The following CT45A1 variants were observed in gnomAD, a reference collection of about 807,000 sequenced individuals.
CT45A1 encodes the protein cancer/testis antigen 45-1.
At chrX:135,718,541 T>G (rs781816215) in intron 1 of CT45A1, among the ~76,000 whole-genome samples, 11 of 110,605 alleles carry the variant, frequency 9.9e-5, no homozygotes, top group African/African-American at 2.3e-4. Context: ...TAATGTATAA[T>G]ATATAGTTTA....
intron 1 of CT45A1, among the ~76,000 whole-genome samples, chrX:135,715,582 TTATAGGTATATAA>T (rs2087980156): frequency 5.5e-4 from 50 of 90,371 alleles, no homozygotes; most frequent in East Asian, 9.9e-4. Context: ...TATATAATAC[TTATAGGTATATAA>T]TACTTATATA....
upstream of CT45A1, among the ~76,000 whole-genome samples, chrX:135,712,189 T>TTC (rs1327449410): frequency 7.1e-5 from 6 of 84,270 alleles, no homozygotes; most frequent in Non-Finnish European, 1.4e-4. Flanking sequence ...CTTTTTTTTT[T>TTC]TTTTTTTTTT....
At chrX:135,715,212 A>ATAT (rs781850453) in intron 1 of CT45A1, among the ~76,000 whole-genome samples, 32 of 88,910 alleles carry the variant, frequency 3.6e-4, no homozygotes, top group Admixed American at 4.4e-4. Context: ...ATATATATAT[A>ATAT]ATACTTATAT....
At chrX:135,713,003 C>CTCTT (rs2087946989), upstream of CT45A1, among the ~76,000 whole-genome samples, 3 of 17,240 alleles carry the variant, frequency 1.7e-4, 1 homozygote, top group East Asian at 5.6e-3. Flanking sequence ...CTTCCTCTCT[C>CTCTT]TCTCTCTCTC....
At chrX:135,711,896 T>C (rs148390984), upstream of CT45A1, among the ~76,000 whole-genome samples, 21,403 of 109,676 alleles carry the variant, frequency 0.2, 1,683 homozygotes, top group Non-Finnish European at 0.24. Context: ...GCCTGGCCGA[T>C]GTGGTGAAAC....
chrX:135,714,804 A>T (rs782616856), intron 1 of CT45A1, among the ~76,000 whole-genome samples: 1 of 105,008 alleles, frequency 9.5e-6, no homozygotes, highest in East Asian at 2.9e-4. Flanking sequence ...CCCAGACTGG[A>T]TTGCAGTGCC....
At chrX:135,718,019 A>G (rs1171887998) in intron 1 of CT45A1, among the ~76,000 whole-genome samples, 2 of 112,144 alleles carry the variant, frequency 1.8e-5, no homozygotes, top group Non-Finnish European at 1.9e-5. Context: ...ATACGTCACT[A>G]TGAAGTATGG....
upstream of CT45A1, among the ~76,000 whole-genome samples, chrX:135,708,804 T>C (rs1373896478): frequency 1.8e-5 from 2 of 111,276 alleles, no homozygotes; most frequent in Non-Finnish European, 3.8e-5. Context: ...TGTGTGGGAA[T>C]TATTTCTCAC....
intron 1 of CT45A1, among the ~76,000 whole-genome samples, chrX:135,715,682 GTATATAATACTTATA>G (rs1278683256): frequency 5.1e-4 from 49 of 96,598 alleles, no homozygotes; most frequent in African/African-American, 1.6e-3. Flanking sequence ...ATACTTATAT[GTATATAATACTTATA>G]TATATAATAC....
At position 135,717,921 on chromosome X, in the gene CT45A1, G is replaced by A. The variant is rs782716800; in HGVS notation, c.-6-1014G>A. On this transcript the variant is annotated intron_variant, in intron 1 of 4. Transcript: ENST00000594565. ...TTTAAACCTATTGTATTTTCCTGAT[G>A]CTACAGCACTTTTTAGAACCTCCAA... Among the ~76,000 whole-genome samples the A allele has an allele frequency of 2.9e-4, 33 of 111,871 alleles. 1 individual carries two copies. The highest frequency in any genetic ancestry group is 9.2e-3 in the Middle Eastern group (2 of 218).
chrX:135,711,441 T>A (rs1556569519), upstream of CT45A1, among the ~76,000 whole-genome samples: 1 of 110,409 alleles, frequency 9.1e-6, no homozygotes, highest in East Asian at 2.8e-4. Flanking sequence ...TTAATTTTAA[T>A]TTATTTATTT....
rs150734870 is a variant in CT45A1, at chrX:135,716,896, A to T, written c.-6-2039A>T. On this transcript the variant is annotated intron_variant, in intron 1 of 4. Transcript: ENST00000594565. ...AGCACTGTCTTTTCCACAATGATTT[A>T]CAACTCTTCTGTATTTTGTATTTCC... 7.7e-3 allele frequency among the ~76,000 whole-genome samples: 856 copies of T among 111,771 alleles called. 13 individuals carry two copies. Among genetic ancestry groups the T allele is most frequent in the African/African-American group, 0.026 (793 of 30,766 alleles).
chrX:135,716,129 C>T (rs1464278817), intron 1 of CT45A1, among the ~76,000 whole-genome samples: 21 of 110,962 alleles, frequency 1.9e-4, no homozygotes, highest in African/African-American at 6.5e-4. Flanking sequence ...TGAATAGTGC[C>T]GTGATAAACA....
chrX:135,715,028 A>T (rs1195872198), intron 1 of CT45A1, among the ~76,000 whole-genome samples: 12 of 106,801 alleles, frequency 1.1e-4, no homozygotes, highest in African/African-American at 4.1e-4. Flanking sequence ...TACATATATA[A>T]AAATACGTAT....
At chrX:135,712,179 CT>C (rs782572662), upstream of CT45A1, among the ~76,000 whole-genome samples, 8 of 48,421 alleles carry the variant, frequency 1.7e-4, no homozygotes, top group African/African-American at 3.5e-4. Context: ...TTTTTTCTTT[CT>C]TTTTTTTTTT....
At chrX:135,714,080 T>A (rs1556570482) in intron 1 of CT45A1, among the ~76,000 whole-genome samples, 3 of 108,322 alleles carry the variant, frequency 2.8e-5, no homozygotes, top group African/African-American at 1.0e-4. Context: ...GAGCGGGGGC[T>A]CTGCCTTGGG....
chrX:135,712,020 G>A (rs2087936220), upstream of CT45A1, among the ~76,000 whole-genome samples: 1 of 109,338 alleles, frequency 9.1e-6, no homozygotes, highest in African/African-American at 3.3e-5. Flanking sequence ...GGCGGAGGTT[G>A]CAGTGAGCCG....
chrX:135,712,937 T>TCTTTCTTTCTTTC (rs782502268), upstream of CT45A1, among the ~76,000 whole-genome samples: 13 of 69,548 alleles, frequency 1.9e-4, no homozygotes, highest in African/African-American at 8.1e-4. Context: ...TCTTTTCTTT[T>TCTTTCTTTCTTTC]TTTCTTTCTT....
intron 1 of CT45A1, among the ~76,000 whole-genome samples, chrX:135,715,575 A>T (rs2087980029): frequency 1.1e-5 from 1 of 90,183 alleles, no homozygotes; most frequent in South Asian, 5.1e-4. Context: ...ACTTATATAT[A>T]TAATACTTAT....
Sources: gnomAD v4.1 joint callset for allele counts (sites outside exome capture counted in the v4.1 genomes callset) on GRCh38, gnomAD v4.1.1 for gene constraint, MANE v1.5 for transcripts, NCBI Gene and HGNC (gene_info 2026-07-23, HGNC 2026-07-21) for gene names.